Variants in CYB5R4 observed in about 807,000 individuals in gnomAD.
The protein encoded by CYB5R4 is cytochrome b5 reductase 4.
A neutral mutation model predicts 70.2 loss-of-function variants in CYB5R4; 55 were observed. That is an observed-to-expected ratio of 0.78 (90% CI 0.63 to 0.98). The LOEUF (loss-of-function observed/expected upper bound fraction) is 0.98, where lower values mean the gene tolerates loss of function less well. Among genes scored for constraint, CYB5R4 ranks in the 50% least tolerant of loss-of-function variants. The pLI is 0.00. For synonymous variants in CYB5R4, 197 were observed against 199.5 expected (o/e 0.99, Z 0.11); for missense variants, 562 against 612.6 (o/e 0.92, Z 0.87).
chr6:83,893,498 T>G (rs1046332625), intron 2 of CYB5R4, 24 bp from the exon 3 acceptor site: 1 of 1,376,676 alleles, frequency 7.3e-7, no homozygotes, highest in African/African-American at 1.4e-5. Flanking sequence ...ATTTAGGATA[T>G]TATTTCTGTT....
chr6:83,909,962 A>G (rs912749737), intron 4 of CYB5R4: 84 of 1,464,498 alleles, frequency 5.7e-5, no homozygotes, highest in Non-Finnish European at 7.3e-5. Flanking sequence ...AAGTAGAGAA[A>G]CCATCTTATA....
intron 3 of CYB5R4, among the ~76,000 whole-genome samples, chr6:83,902,727 T>G (rs551118012): frequency 6.6e-6 from 1 of 152,266 alleles, no homozygotes; most frequent in East Asian, 1.9e-4. Context: ...TAGTTTTACT[T>G]GTAGAGATCT....
At chr6:83,873,203 A>T (rs1169654458) in intron 2 of CYB5R4, among the ~76,000 whole-genome samples, 2 of 145,352 alleles carry the variant, frequency 1.4e-5, no homozygotes, top group Admixed American at 6.9e-5. Context: ...GTTAATTAAC[A>T]TTGCTAGTTA....
intron 10 of CYB5R4, among the ~76,000 whole-genome samples, chr6:83,927,088 G>C (rs2099467408): frequency 6.6e-6 from 1 of 152,024 alleles, no homozygotes; most frequent in Non-Finnish European, 1.5e-5. Flanking sequence ...GTCTGTGTGG[G>C]CTTATGCCTT....
chr6:83,896,511 A>G (rs541537936), intron 3 of CYB5R4, among the ~76,000 whole-genome samples: 1 of 152,326 alleles, frequency 6.6e-6, no homozygotes, highest in East Asian at 1.9e-4. Flanking sequence ...GAGTGAAAAC[A>G]TGCAGTATTT....
intron 10 of CYB5R4, among the ~76,000 whole-genome samples, chr6:83,926,707 A>G (rs1357561746): frequency 2.0e-5 from 3 of 152,080 alleles, no homozygotes; most frequent in Non-Finnish European, 2.9e-5. Flanking sequence ...ACCCAATCCA[A>G]AGACCCCTTG....
At chr6:83,897,084 C>T (rs539575984) in intron 3 of CYB5R4, among the ~76,000 whole-genome samples, 1 of 151,268 alleles carries the variant, frequency 6.6e-6, no homozygotes, top group African/African-American at 2.4e-5. Flanking sequence ...CAACAGGCCC[C>T]GGTGTGTGAT....
chr6:83,862,730 T>C (rs900843787), intron 1 of CYB5R4, among the ~76,000 whole-genome samples: 1 of 152,216 alleles, frequency 6.6e-6, no homozygotes, highest in African/African-American at 2.4e-5. Flanking sequence ...GTGATTAGAT[T>C]TGCATTTCTG....
intron 10 of CYB5R4, among the ~76,000 whole-genome samples, chr6:83,932,965 A>G (rs2099468390): frequency 6.6e-6 from 1 of 152,212 alleles, no homozygotes; most frequent in Non-Finnish European, 1.5e-5. Flanking sequence ...ATATATTCCA[A>G]GATGTAGCAT....
Position 83,936,243 on chromosome 6 carries a change from A to G in CYB5R4, c.975A>G (p.Pro325=), listed in dbSNP as rs2099468910. 3 of 1,588,472 alleles carry G rather than the reference A, an allele frequency of 1.9e-6. No individual in the cohort carries two copies. The highest frequency in any genetic ancestry group is 2.6e-6 in the Non-Finnish European group (3 of 1,172,766). The change falls in exon 12 of 16, where the codon CCA becomes CCG. Residue 325 remains proline (P), a synonymous_variant. Coordinates refer to ENST00000369681, the MANE Select transcript of CYB5R4 (RefSeq NM_016230.4). The part of the protein sequence containing the change: ...LPITGTEIVK[P]YTPVSGSLLS... Reference sequence around the variant, plus strand: ...TTCTAGGTACAGAAATAGTAAAGCCATATACACCTGTATCTGGTTCCTTAC... The same window carrying G: ...TTCTAGGTACAGAAATAGTAAAGCCGTATACACCTGTATCTGGTTCCTTAC...
At chr6:83,884,325 A>G (rs1382564086) in intron 2 of CYB5R4, among the ~76,000 whole-genome samples, 1 of 152,012 alleles carries the variant, frequency 6.6e-6, no homozygotes, top group Non-Finnish European at 1.5e-5. Flanking sequence ...AATAGGCTAA[A>G]CGTAAATGTT....
chr6:83,930,032 T>A (rs2099467925), intron 10 of CYB5R4, among the ~76,000 whole-genome samples: 1 of 152,234 alleles, frequency 6.6e-6, no homozygotes, highest in Admixed American at 6.5e-5. Flanking sequence ...CATTATACTT[T>A]AGTCTGTTAA....
Position 83,934,693 on chromosome 6 carries a change from G to A in CYB5R4, c.913G>A (p.Val305Met). Residue 305 changes from valine to methionine, a missense_variant, in exon 11 of 16, where the codon GTG becomes ATG. Physicochemically the swap from Val to Met is conservative, Grantham distance 21. Coordinates refer to ENST00000369681, the MANE Select transcript of CYB5R4 (RefSeq NM_016230.4). ...GCTGCCACCAAGCACTCATCTTCAA[G>A]TGCCCATTGGGCAACATGTTTACCT... Reference protein sequence around the residue: ...LMLPPSTHLQVPIGQHVYLKL... With the variant: ...LMLPPSTHLQMPIGQHVYLKL... 6.2e-7 allele frequency: 1 copy of A among 1,613,722 alleles called. No homozygotes were observed. The highest frequency in any genetic ancestry group is 8.5e-7 in the Non-Finnish European group (1 of 1,179,756).
chr6:83,909,474 C>T (rs1479551209), intron 4 of CYB5R4, among the ~76,000 whole-genome samples: 10 of 152,182 alleles, frequency 6.6e-5, no homozygotes, highest in Admixed American at 5.9e-4. Flanking sequence ...TCCGACTCTG[C>T]GCCTTCACTA....
In CYB5R4 at chr6:83,960,026, A is replaced by G. The variant is rs899502055; in HGVS notation, c.*148A>G. ...AAATGAAATCAAATGTTCCTTCAGTACAGGTAACTTCTTGGCTTTCTTTTG... is the reference window on the plus strand; with the variant it reads ...AAATGAAATCAAATGTTCCTTCAGTGCAGGTAACTTCTTGGCTTTCTTTTG... On this transcript the variant is annotated 3_prime_UTR_variant, in exon 16 of 16. Transcript: ENST00000369681. 1.3e-5 allele frequency: 7 copies of G among 545,726 alleles called. No homozygotes were observed. The African/African-American group carries it at 1.4e-4, about 11-fold the overall frequency. The allele number at this position is 545,726 out of a possible 1,614,324, so 33.8% of individuals were successfully genotyped here.
intron 11 of CYB5R4, among the ~76,000 whole-genome samples, chr6:83,935,684 A>G (rs553750806): frequency 6.6e-6 from 1 of 152,290 alleles, no homozygotes; most frequent in Non-Finnish European, 1.5e-5. Flanking sequence ...CTGGATTAAC[A>G]TTCTTTTTAT....
At chr6:83,905,501 T>C (rs2099463629) in intron 3 of CYB5R4, among the ~76,000 whole-genome samples, 1 of 152,210 alleles carries the variant, frequency 6.6e-6, no homozygotes, top group African/African-American at 2.4e-5. Context: ...GCATCAGTGA[T>C]GACTGTGACT....
At position 83,955,456 on chromosome 6, in the gene CYB5R4, G is replaced by C. The variant is rs780626535; in HGVS notation, c.1505G>C (p.Gly502Ala). Residue 502 changes from glycine (G) to alanine (A), a missense_variant, in exon 15 of 16, where the codon GGA becomes GCA. By Grantham distance (60) the Gly-to-Ala change is moderately conservative. Transcript: ENST00000369681. ...ICGPVPFTEQ[G>A]VRLLHDLNFS... Reference sequence around the variant, plus strand: ...GGACCAGTGCCATTTACAGAACAAGGAGTAAGGTGAGTAACAGTGTAGTAG... The same window carrying C: ...GGACCAGTGCCATTTACAGAACAAGCAGTAAGGTGAGTAACAGTGTAGTAG... 2 of 1,613,358 alleles carry C rather than the reference G, an allele frequency of 1.2e-6. No homozygotes were observed. Among genetic ancestry groups the C allele is most frequent in the East Asian group, 4.5e-5 (2 of 44,822 alleles).
chr6:83,935,980 C>G (rs1395500140), intron 11 of CYB5R4, among the ~76,000 whole-genome samples: 1 of 151,712 alleles, frequency 6.6e-6, no homozygotes. Context: ...TTAAATTAGA[C>G]TATACATCAT....
Sources: allele counts gnomAD v4.1 joint callset (sites outside exome capture counted in the v4.1 genomes callset), GRCh38; gene constraint gnomAD v4.1.1; transcripts MANE v1.5; gene names NCBI Gene and HGNC (gene_info 2026-07-23, HGNC 2026-07-21).